The following TOMM34 variants were observed in gnomAD, a reference collection of about 807,000 sequenced individuals.
TOMM34 encodes the protein translocase of outer mitochondrial membrane 34.
In TOMM34, 24 loss-of-function variants were observed where a neutral mutation model predicts 37.4. That is an observed-to-expected ratio of 0.64 (90% CI 0.46 to 0.90). TOMM34 has a LOEUF of 0.90. Among genes scored for constraint, TOMM34 ranks in the 40% least tolerant of loss-of-function variants. TOMM34 has a pLI of 0.00. For synonymous variants in TOMM34, 154 were observed against 148.9 expected (o/e 1.03, Z -0.25); for missense variants, 304 against 375.6 (o/e 0.81, Z 1.58).
At chr20:44,956,703 TC>T (rs1414395746) in intron 1 of TOMM34, among the ~76,000 whole-genome samples, 1 of 152,152 alleles carries the variant, frequency 6.6e-6, no homozygotes, top group Non-Finnish European at 1.5e-5. Context: ...ACCAAGTATT[TC>T]CTCATTCACT....
Position 44,955,171 on chromosome 20 carries a change from A to T in TOMM34, c.277T>A (p.Ser93Thr). The change falls in exon 3 of 7, where the codon TCT becomes ACT. Residue 93 changes from serine (S) to threonine (T), a missense_variant. Physicochemically the swap from Ser to Thr is moderately conservative, Grantham distance 58 (BLOSUM62 1). Coordinates refer to ENST00000372813, the MANE Select transcript of TOMM34 (RefSeq NM_006809.5). ...FSIKPLLRRA[S>T]AYEALEKYPM... ...TACTTCTCCAGAGCCTCATAAGCAG[A>T]TGCTCGCCGCAGCAGGGGCTTAATG... 1 of 1,614,204 alleles carries T rather than the reference A, an allele frequency of 6.2e-7. No individual in the cohort carries two copies. The highest frequency in any genetic ancestry group is 8.5e-7 in the Non-Finnish European group (1 of 1,180,026).
At chr20:44,954,268 G>T (rs2067051061) in intron 3 of TOMM34, among the ~76,000 whole-genome samples, 1 of 152,174 alleles carries the variant, frequency 6.6e-6, no homozygotes, top group Non-Finnish European at 1.5e-5. Flanking sequence ...ACTGACTGGT[G>T]TCTTCCTTGA....
Position 44,943,163 on chromosome 20 carries a change from A to G in TOMM34, c.876T>C (p.Pro292=). The part of the protein sequence containing the change: ...ADISNLLQIE[P]RNGPAQKLRQ... The stretch of plus-strand genomic sequence containing the variant: ...GCAACTTCTGTGCAGGACCATTCCT[A>G]GGCTCAATCTGTAGGAGGTTGCTGA... The change falls in exon 7 of 7, where the codon CCT becomes CCC. Residue 292 remains proline (P), a synonymous_variant. Transcript: ENST00000372813. The G allele has an allele frequency of 6.2e-7, 1 of 1,614,116 alleles. No homozygotes were observed. The highest frequency in any genetic ancestry group is 8.5e-7 in the Non-Finnish European group (1 of 1,180,020).
chr20:44,952,831 G>C (rs533491070), intron 3 of TOMM34: 1 of 618,104 alleles, frequency 1.6e-6, no homozygotes, highest in Non-Finnish European at 2.9e-6. Flanking sequence ...ACCACAGACT[G>C]TATCACTACA....
At chr20:44,946,693 G>A (rs1479004471) in intron 5 of TOMM34, among the ~76,000 whole-genome samples, 2 of 152,220 alleles carry the variant, frequency 1.3e-5, no homozygotes, top group Non-Finnish European at 2.9e-5. Context: ...CAAAGCCTGG[G>A]CATTGTGTCA....
At chr20:44,950,924 C>G (rs1330332319) in intron 4 of TOMM34, among the ~76,000 whole-genome samples, 1 of 152,188 alleles carries the variant, frequency 6.6e-6, no homozygotes, top group Non-Finnish European at 1.5e-5. Flanking sequence ...ATGGCCTCTT[C>G]ATTTCATACA....
rs1436418176 is a variant in TOMM34, at chr20:44,948,723, G to A, written c.698+7C>T. ...ATGCCCCAGGCCAGCAGCTGTATAG[G>A]AGATACCTGTTGCTGTACGTGGCAG... On this transcript the variant is annotated splice_region_variant and intron_variant, in intron 5 of 6. Coordinates refer to ENST00000372813, the MANE Select transcript of TOMM34 (RefSeq NM_006809.5). 1 of 1,614,126 alleles carries A rather than the reference G, an allele frequency of 6.2e-7. No homozygotes were observed.
chr20:44,952,256 T>C (rs2067033206), intron 3 of TOMM34, among the ~76,000 whole-genome samples: 1 of 152,244 alleles, frequency 6.6e-6, no homozygotes, highest in Admixed American at 6.5e-5. Flanking sequence ...CTGTTGCTTG[T>C]TAAGGATACT....
intron 4 of TOMM34, among the ~76,000 whole-genome samples, chr20:44,951,120 G>A (rs2067022426): frequency 1.3e-5 from 2 of 152,186 alleles, no homozygotes; most frequent in Middle Eastern, 3.4e-3. Flanking sequence ...TGTACTTCAG[G>A]GAATGGCCTG....
chr20:44,948,689 T>TA (rs760789320), intron 5 of TOMM34, 41 bp downstream of exon 5: 2 of 1,610,022 alleles, frequency 1.2e-6, no homozygotes, highest in East Asian at 4.5e-5. Context: ...ATGGAACAAA[T>TA]GTCCTGAAAT....
intron 3 of TOMM34, among the ~76,000 whole-genome samples, 185 bp downstream of exon 3, chr20:44,954,883 C>T (rs771944576): frequency 2.6e-5 from 4 of 152,158 alleles, no homozygotes; most frequent in Non-Finnish European, 5.9e-5. Flanking sequence ...TAGTAATTGA[C>T]TCCCTGAAAA....
At chr20:44,959,196 G>T (rs1045481768) in intron 1 of TOMM34, among the ~76,000 whole-genome samples, 17 of 152,074 alleles carry the variant, frequency 1.1e-4, no homozygotes, top group Non-Finnish European at 2.5e-4. Context: ...AGAGATGCTA[G>T]CCAAGAAAAG....
At chr20:44,960,096 T>A (rs1368263626) in intron 1 of TOMM34, 111 bp downstream of exon 1, 1 of 896,148 alleles carries the variant, frequency 1.1e-6, no homozygotes, top group Admixed American at 3.5e-5. Context: ...CGGAAGGGGC[T>A]GGAAGGGTGG....
At chr20:44,948,032 A>G (rs2066995533) in intron 5 of TOMM34, among the ~76,000 whole-genome samples, 1 of 152,206 alleles carries the variant, frequency 6.6e-6, no homozygotes, top group South Asian at 2.1e-4. Context: ...TCAGATTCCA[A>G]TTCTTGTGCC....
chr20:44,953,070 T>A (rs1406081660), intron 3 of TOMM34, among the ~76,000 whole-genome samples: 2 of 152,138 alleles, frequency 1.3e-5, no homozygotes, highest in African/African-American at 2.4e-5. Flanking sequence ...TCCCATCTCC[T>A]CTTGCCTCTT....
intron 1 of TOMM34, chr20:44,958,274 G>T (rs1436091862): frequency 2.2e-6 from 1 of 454,322 alleles, no homozygotes; most frequent in African/African-American, 2.0e-5. Flanking sequence ...TTGCCATGTT[G>T]ATATTTGATA....
At chr20:44,948,400 A>C (rs1402812519) in intron 5 of TOMM34, among the ~76,000 whole-genome samples, 1 of 152,194 alleles carries the variant, frequency 6.6e-6, no homozygotes, top group African/African-American at 2.4e-5. Context: ...GGTAGGGAGC[A>C]GCGTAGCGTG....
chr20:44,955,839 A>G (rs2067067251), intron 2 of TOMM34, among the ~76,000 whole-genome samples: 1 of 152,250 alleles, frequency 6.6e-6, no homozygotes, highest in African/African-American at 2.4e-5. Flanking sequence ...AGAGGACATC[A>G]GATCTGAGAA....
intron 5 of TOMM34, among the ~76,000 whole-genome samples, chr20:44,946,778 C>T (rs2066984275): frequency 6.6e-6 from 1 of 152,242 alleles, no homozygotes; most frequent in Non-Finnish European, 1.5e-5. Context: ...ATGTTAGCCA[C>T]AATGGCTGAA....
Sources: gnomAD v4.1 joint callset for allele counts (sites outside exome capture counted in the v4.1 genomes callset) on GRCh38, gnomAD v4.1.1 for gene constraint, MANE v1.5 for transcripts, NCBI Gene and HGNC (gene_info 2026-07-23, HGNC 2026-07-21) for gene names.